Variants in TNS3 observed in about 807,000 individuals in gnomAD.
TNS3 encodes tensin-3.
A neutral mutation model predicts 140.9 loss-of-function variants in TNS3; 45 were observed. That is an observed-to-expected ratio of 0.32 (90% CI 0.25 to 0.41). The LOEUF (loss-of-function observed/expected upper bound fraction) is 0.41, where lower values mean the gene tolerates loss of function less well. Among genes scored for constraint, TNS3 ranks in the 10% least tolerant of loss-of-function variants. TNS3 has a pLI of 1.00. For synonymous variants in TNS3, 815 were observed against 788.4 expected (o/e 1.03, Z -0.56); for missense variants, 1,716 against 1,906.7 (o/e 0.90, Z 1.86).
chr7:47,518,233 G>A (rs1476955983), intron 2 of TNS3, among the ~76,000 whole-genome samples: 1 of 152,160 alleles, frequency 6.6e-6, no homozygotes, highest in Non-Finnish European at 1.5e-5. Context: ...TGGGGATAAG[G>A]CTCAAGATGC....
intron 4 of TNS3, among the ~76,000 whole-genome samples, chr7:47,445,040 G>C (rs913969177): frequency 4.6e-5 from 7 of 152,146 alleles, no homozygotes; most frequent in Non-Finnish European, 7.4e-5. Flanking sequence ...AGAGGGGCAG[G>C]AAGGAGGAAT....
At chr7:47,448,454 G>A (rs1342384431) in intron 4 of TNS3, among the ~76,000 whole-genome samples, 1 of 150,516 alleles carries the variant, frequency 6.6e-6, no homozygotes, top group East Asian at 2.0e-4. Context: ...ATCAATGAGA[G>A]CCCAACTCTG....
At chr7:47,435,644 T>A (rs1266686340) in intron 7 of TNS3, among the ~76,000 whole-genome samples, 2 of 152,318 alleles carry the variant, frequency 1.3e-5, no homozygotes, top group Admixed American at 1.3e-4. Flanking sequence ...CTTCTGCAGC[T>A]GGGGTGACAA....
intron 1 of TNS3, among the ~76,000 whole-genome samples, chr7:47,559,507 G>C (rs1800279331): frequency 6.6e-6 from 1 of 152,124 alleles, no homozygotes; most frequent in Non-Finnish European, 1.5e-5. Context: ...TCTGGTGCAG[G>C]GCGGTGCCTC....
intron 13 of TNS3, among the ~76,000 whole-genome samples, chr7:47,401,492 G>T (rs892536496): frequency 6.6e-6 from 1 of 152,152 alleles, no homozygotes; most frequent in African/African-American, 2.4e-5. Context: ...AGACAGAGAG[G>T]GTGTTGGCAT....
intron 3 of TNS3, among the ~76,000 whole-genome samples, chr7:47,505,194 G>T (rs950211366): frequency 2.0e-5 from 3 of 152,124 alleles, no homozygotes; most frequent in Non-Finnish European, 4.4e-5. Flanking sequence ...AGGGGTGAGG[G>T]ACAACACATC....
intron 1 of TNS3, among the ~76,000 whole-genome samples, chr7:47,538,604 G>A (rs572152831): frequency 1.3e-5 from 2 of 152,250 alleles, no homozygotes; most frequent in Admixed American, 6.5e-5. Context: ...TCAACTGGCT[G>A]ACGTTAACCT....
intron 16 of TNS3, among the ~76,000 whole-genome samples, chr7:47,371,523 C>A (rs535583466): frequency 6.6e-6 from 1 of 152,292 alleles, no homozygotes; most frequent in Admixed American, 6.5e-5. Flanking sequence ...GGGCACACAC[C>A]TGGAGGCTCT....
intron 1 of TNS3, among the ~76,000 whole-genome samples, chr7:47,540,058 C>T (rs901600077): frequency 6.6e-6 from 1 of 152,318 alleles, no homozygotes; most frequent in East Asian, 1.9e-4. Context: ...CTCTGTGCTG[C>T]TGCCCAGCTT....
intron 1 of TNS3, among the ~76,000 whole-genome samples, chr7:47,548,916 C>T (rs1230828112): frequency 6.6e-6 from 1 of 152,206 alleles, no homozygotes; most frequent in African/African-American, 2.4e-5. Context: ...GCACAAATAG[C>T]ACCACTTCCC....
chr7:47,580,054 C>A (rs75686985), intron 1 of TNS3, among the ~76,000 whole-genome samples: 43,226 of 151,698 alleles, frequency 0.28, 7,654 homozygotes, highest in East Asian at 0.53. Context: ...TGCCCTGGGG[C>A]TACTAGTTTT....
chr7:47,292,971 T>A (rs1785795843), intron 25 of TNS3, 66 bp from the exon 26 acceptor site: 1 of 1,427,136 alleles, frequency 7.0e-7, no homozygotes, highest in Non-Finnish European at 9.8e-7. Context: ...CTCAGCCAAT[T>A]TATCAGCTGG....
At chr7:47,386,416 T>C (rs1792074932) in intron 16 of TNS3, among the ~76,000 whole-genome samples, 1 of 152,224 alleles carries the variant, frequency 6.6e-6, no homozygotes, top group Non-Finnish European at 1.5e-5. Flanking sequence ...CCCTAGGGAT[T>C]TAAATCTGGG....
intron 4 of TNS3, among the ~76,000 whole-genome samples, chr7:47,479,387 G>A (rs953648847): frequency 1.6e-4 from 24 of 152,154 alleles, no homozygotes; most frequent in South Asian, 2.1e-4. Flanking sequence ...CCTGGCTCCC[G>A]GGGCCTATGA....
At chr7:47,468,219 T>A (rs926835952) in intron 4 of TNS3, among the ~76,000 whole-genome samples, 5 of 152,050 alleles carry the variant, frequency 3.3e-5, no homozygotes, top group Non-Finnish European at 7.4e-5. Context: ...GCAGGCAGAA[T>A]TACCTGAGGT....
chr7:47,302,927 C>A (rs780348917), intron 22 of TNS3, 23 bp downstream of exon 22: 1 of 1,572,618 alleles, frequency 6.4e-7, no homozygotes, highest in South Asian at 1.2e-5. Context: ...GGGGCCCTTC[C>A]AACCAGCTGG....
At chr7:47,514,220 G>C (rs1798704420) in intron 2 of TNS3, among the ~76,000 whole-genome samples, 1 of 152,204 alleles carries the variant, frequency 6.6e-6, no homozygotes, top group South Asian at 2.1e-4. Context: ...GCCAGACAAG[G>C]CCTGCCCAAT....
intron 17 of TNS3, among the ~76,000 whole-genome samples, chr7:47,350,237 C>T (rs562749584): frequency 2.6e-5 from 4 of 152,220 alleles, no homozygotes; most frequent in Non-Finnish European, 5.9e-5. Context: ...TGGCTACCCT[C>T]ATCCTGCTGA....
Position 47,275,994 on chromosome 7 carries a change from T to A in TNS3, c.*2082A>T. The A allele has an allele frequency of 2.6e-6, 1 of 387,438 alleles. No individual in the cohort carries two copies. The highest frequency in any genetic ancestry group is 1.9e-5 in the South Asian group (1 of 52,284). The allele number at this position is 387,438 out of a possible 1,614,324, so 24.0% of individuals were successfully genotyped here. On this transcript the variant is annotated 3_prime_UTR_variant, in exon 31 of 31. Coordinates refer to ENST00000311160, the MANE Select transcript of TNS3 (RefSeq NM_022748.12). ...GAAGGATAAGGAACCTGGCCTGCAC[T>A]CTTTGGGTTAAACATGGGTAGAGAC...
Sources: allele counts gnomAD v4.1 joint callset (sites outside exome capture counted in the v4.1 genomes callset), GRCh38; gene constraint gnomAD v4.1.1; transcripts MANE v1.5; gene names NCBI Gene and HGNC (gene_info 2026-07-23, HGNC 2026-07-21).